Variants in GZF1 observed in about 807,000 individuals in gnomAD.
GZF1 encodes the protein GDNF-inducible zinc finger protein 1.
Under a neutral mutation model 49.4 loss-of-function variants are expected in GZF1, and 28 were observed. The ratio of observed to expected loss-of-function variants is 0.57; its 90% CI spans 0.42 to 0.78. The LOEUF is 0.78. GZF1 is among the 30% of genes least tolerant of loss of function. The pLI, the probability that GZF1 is intolerant of heterozygous loss-of-function variation, is 0.00. For synonymous variants in GZF1, 364 were observed against 356.0 expected (o/e 1.02, Z -0.25); for missense variants, 798 against 916.2 (o/e 0.87, Z 1.67).
In GZF1 at chr20:23,367,115, T is replaced by G. The variant is rs760452830; in HGVS notation, c.1459+18T>G. The stretch of plus-strand genomic sequence containing the variant: ...TCACACAGGTAAATACTCATGCTGT[T>G]GTGATTGAATGTCTTTCCTAGATCT... On this transcript the variant is annotated intron_variant, in intron 3 of 5. Coordinates refer to ENST00000338121, the MANE Select transcript of GZF1 (RefSeq NM_022482.5). The G allele has an allele frequency of 2.7e-6, 4 of 1,470,418 alleles. No individual in the cohort carries two copies. The South Asian group carries it at 4.5e-5, about 17-fold the overall frequency. The allele number at this position is 1,470,418 out of a possible 1,614,324, so 91.1% of individuals were successfully genotyped here. A position where few individuals can be genotyped will look rare whatever the true frequency, so the allele number is the denominator to read the frequency against.
At position 23,365,468 on chromosome 20, in the gene GZF1, A is replaced by C. The variant is rs747886588; in HGVS notation, c.1085A>C (p.Asn362Thr). ...GGCCAGACCTTCGCCAACCGCTGCAACCTGAAGAGCCACCAGCGCCACGTG... is the reference window on the plus strand; with the variant it reads ...GGCCAGACCTTCGCCAACCGCTGCACCCTGAAGAGCCACCAGCGCCACGTG... ...TCGQTFANRC[N>T]LKSHQRHVHS... The change falls in exon 2 of 6, where the codon AAC becomes ACC. Residue 362 changes from asparagine (N) to threonine (T), a missense_variant. Transcript: ENST00000338121. 2 of 1,613,842 alleles carry C rather than the reference A, an allele frequency of 1.2e-6. No homozygotes were observed. The highest frequency in any genetic ancestry group is 1.7e-6 in the Non-Finnish European group (2 of 1,180,012).
chr20:23,361,704 G>A (rs1186323036), upstream of GZF1, among the ~76,000 whole-genome samples: 1 of 152,190 alleles, frequency 6.6e-6, no homozygotes, highest in Non-Finnish European at 1.5e-5. Context: ...GAGGTCCCTC[G>A]CGTGGCCACC....
chr20:23,367,584 T>C (rs964524562), intron 3 of GZF1, among the ~76,000 whole-genome samples: 4 of 152,202 alleles, frequency 2.6e-5, no homozygotes, highest in Admixed American at 2.0e-4. Context: ...AAAAAGTCTG[T>C]GCTTGGATGT....
At position 23,370,820 on chromosome 20, in the gene GZF1, G is replaced by T; in HGVS notation, c.*379G>T. The T allele has an allele frequency of 5.5e-6, 1 of 181,186 alleles. No individual in the cohort carries two copies. The highest frequency in any genetic ancestry group is 1.1e-5 in the Non-Finnish European group (1 of 87,574). 11.2% of individuals were successfully genotyped at this position (181,186 alleles called of 1,614,324 possible). On this transcript the variant is annotated 3_prime_UTR_variant, in exon 6 of 6. Coordinates refer to ENST00000338121, the MANE Select transcript of GZF1 (RefSeq NM_022482.5). Reference sequence around the variant, plus strand: ...GATATTGTAGTTAGCAGTCTTCCTGGCTTCTCACTCTGCCTTATATTTCCA... The same window carrying T: ...GATATTGTAGTTAGCAGTCTTCCTGTCTTCTCACTCTGCCTTATATTTCCA...
intron 1 of GZF1, among the ~76,000 whole-genome samples, chr20:23,363,795 C>T (rs571486289): frequency 9.8e-5 from 15 of 152,288 alleles, no homozygotes; most frequent in Admixed American, 3.9e-4. Context: ...AGTAGAGTAA[C>T]AATAATTCAA....
chr20:23,363,801 T>A (rs573376173), intron 1 of GZF1, among the ~76,000 whole-genome samples: 85 of 152,332 alleles, frequency 5.6e-4, no homozygotes, highest in Non-Finnish European at 1.1e-3. Flanking sequence ...GTAACAATAA[T>A]TCAAATTCTG....
intron 2 of GZF1, 123 bp from the exon 3 acceptor site, chr20:23,366,880 C>G: frequency 1.4e-6 from 1 of 705,032 alleles, no homozygotes; most frequent in Non-Finnish European, 2.5e-6. Context: ...CTTGACCTGT[C>G]ACTACAGTCA....
At chr20:23,368,662 G>A in intron 3 of GZF1, 100 bp from the exon 4 acceptor site, 1 of 689,928 alleles carries the variant, frequency 1.4e-6, no homozygotes. Context: ...GCCTACCAAG[G>A]CACTTTTGAG....
rs542573915 is a variant in GZF1 at position 23,370,393 on chromosome 20, G to A, written c.2088G>A (p.Gln696=). 4 of 1,614,044 alleles carry A rather than the reference G, an allele frequency of 2.5e-6. No homozygotes were observed. In the African/African-American group the frequency reaches 4.0e-5, roughly 16 times the overall value. ...TISELSELTP[Q]TDSMPTQLHS... is the part of the protein sequence containing the mutation. Reference sequence around the variant, plus strand: ...GTGAGCTTAGCGAGCTGACCCCACAGACAGACTCGATGCCCACACAGCTTC... The same window carrying A: ...GTGAGCTTAGCGAGCTGACCCCACAAACAGACTCGATGCCCACACAGCTTC... The change falls in exon 6 of 6, where the codon CAG becomes CAA. Residue 696 remains glutamine, a synonymous_variant. Coordinates refer to ENST00000338121, the MANE Select transcript of GZF1 (RefSeq NM_022482.5).
chr20:23,369,705 A>T lies in GZF1; in HGVS notation c.1749A>T (p.Thr583=). The T allele has an allele frequency of 6.2e-7, 1 of 1,613,670 alleles. No homozygotes were observed. Among genetic ancestry groups the T allele is most frequent in the Non-Finnish European group, 8.5e-7 (1 of 1,179,800 alleles). Residue 583 remains threonine (T), a synonymous_variant, in exon 5 of 6, where the codon ACA becomes ACT. Transcript: ENST00000338121. The stretch of plus-strand genomic sequence containing the variant: ...TCATGTGCAATGCGTGCGGACGGAC[A>T]TTCACCGACAAGTCCACTCTTCGGC... ...RPFMCNACGR[T]FTDKSTLRRH...
intron 3 of GZF1, 126 bp downstream of exon 3, chr20:23,367,223 TAGTA>T (rs755350849): frequency 4.8e-5 from 32 of 660,700 alleles, no homozygotes; most frequent in Non-Finnish European, 7.2e-5. Context: ...CTTTTCCATC[TAGTA>T]AGTGAGCAAA....
In GZF1 at chr20:23,365,304, C is replaced by G; in HGVS notation, c.921C>G (p.Asp307Glu). Residue 307 changes from aspartate to glutamate, a missense_variant, in exon 2 of 6, where the codon GAC (aspartate) becomes GAG (glutamate). Asp to Glu is a conservative substitution (Grantham distance 45). Around this residue, in one of 3 missense-constraint regions of GZF1, gnomAD observed 247 missense variants for 228.5 expected, o/e 1.08. Transcript: ENST00000338121. ...PEEEEEEEEE[D>E]EEGEKKKSNF... ...AGGAAGAGGAGGAGGAGGAGGAGGA[C>G]GAAGAAGGGGAGAAGAAGAAGAGCA... 3 of 1,605,870 alleles carry G rather than the reference C, an allele frequency of 1.9e-6. No homozygotes were observed. Among genetic ancestry groups the G allele is most frequent in the East Asian group, 2.2e-5 (1 of 44,730 alleles).
Position 23,365,656 on chromosome 20 carries a change from C to T in GZF1, c.1273C>T (p.His425Tyr), listed in dbSNP as rs1228406444. 1.2e-6 allele frequency: 2 copies of T among 1,600,320 alleles called. No individual in the cohort carries two copies. Among genetic ancestry groups the T allele is most frequent in the East Asian group, 2.2e-5 (1 of 44,824 alleles). ...GLSSKTALRL[H>Y]ERTHTGDRPY... ...GAGTTCCAAGACAGCGCTGCGGCTG[C>T]ACGAGCGCACACACACGGGAGACCG... Residue 425 changes from histidine (H) to tyrosine (Y), a missense_variant, in exon 2 of 6, where the codon CAC (histidine) becomes TAC (tyrosine). Coordinates refer to ENST00000338121, the MANE Select transcript of GZF1 (RefSeq NM_022482.5).
chr20:23,367,972 C>A (rs1000347229), intron 3 of GZF1, among the ~76,000 whole-genome samples: 2 of 151,852 alleles, frequency 1.3e-5, no homozygotes, highest in African/African-American at 4.9e-5. Context: ...ACTCATTAGA[C>A]ACCACATCTG....
At position 23,364,601 on chromosome 20, in the gene GZF1, C is replaced by T; in HGVS notation, c.218C>T (p.Thr73Ile). 2 of 1,614,200 alleles carry T rather than the reference C, an allele frequency of 1.2e-6. No homozygotes were observed. Among genetic ancestry groups the T allele is most frequent in the Non-Finnish European group, 1.7e-6 (2 of 1,180,028 alleles). ...VFLNEKSVDG[T>I]RTNVYLNEVQ... ...CTTAATGAGAAGAGTGTGGATGGTA[C>T]TAGGACTAATGTCTACTTAAATGAA... The change falls in exon 2 of 6, where the codon ACT (threonine) becomes ATT (isoleucine). Residue 73 changes from threonine (T) to isoleucine (I), a missense_variant. Physicochemically the swap from Thr to Ile is moderately conservative, Grantham distance 89 (BLOSUM62 -1). Coordinates refer to ENST00000338121, the MANE Select transcript of GZF1 (RefSeq NM_022482.5).
In GZF1 at chr20:23,371,434, T is replaced by C. The variant is rs1280913120; in HGVS notation, c.*993T>C. On this transcript the variant is annotated 3_prime_UTR_variant, in exon 6 of 6. Coordinates refer to ENST00000338121, the MANE Select transcript of GZF1 (RefSeq NM_022482.5). ...GATGGAAACAGGCAAGTAACTGACA[T>C]GTCTATTTCCTTGGGAGCATGTGAG... is the stretch of plus-strand genomic sequence containing the variant. 2 of 152,630 alleles carry C rather than the reference T, an allele frequency of 1.3e-5. No homozygotes were observed. The highest frequency in any genetic ancestry group is 4.8e-5 in the African/African-American group (2 of 41,452). The allele number at this position is 152,630 out of a possible 1,614,324, so 9.5% of individuals were successfully genotyped here. A position where few individuals can be genotyped will look rare whatever the true frequency, so the allele number is the denominator to read the frequency against.
chr20:23,368,942 T>G lies in GZF1; in HGVS notation c.1627+13T>G. 1.9e-6 allele frequency: 3 copies of G among 1,592,524 alleles called. No homozygotes were observed. The highest frequency in any genetic ancestry group is 2.6e-6 in the Non-Finnish European group (3 of 1,170,032). On this transcript the variant is annotated intron_variant, in intron 4 of 5. Coordinates refer to ENST00000338121, the MANE Select transcript of GZF1 (RefSeq NM_022482.5). ...AAAGTCCACACAGGTATGGTTGGAA[T>G]GTCCCAGGGAAGGGAGTTTAGTTTG...
rs921846423 is a variant in GZF1 at position 23,372,890 on chromosome 20, T to C, written c.*2449T>C. The C allele has an allele frequency of 6.6e-6, 1 of 152,236 alleles. No individual in the cohort carries two copies. Among genetic ancestry groups the C allele is most frequent in the African/African-American group, 2.4e-5 (1 of 41,454 alleles). 9.4% of individuals were successfully genotyped at this position (152,236 alleles called of 1,614,324 possible). A position where few individuals can be genotyped will look rare whatever the true frequency, so the allele number is the denominator to read the frequency against. The stretch of plus-strand genomic sequence containing the variant: ...CAGCCTTTCGTTTTACCAAATTCTT[T>C]GCTGTCGTTTGGAAAAAATGGGCCA... On this transcript the variant is annotated 3_prime_UTR_variant, in exon 6 of 6. Transcript: ENST00000338121.
Position 23,364,396 on chromosome 20 carries a change from G to A in GZF1, c.13G>A (p.Ala5Thr), listed in dbSNP as rs754403991. ...GGAAGGAAGAAAGATGGAAAGCGGT[G>A]CAGTTCTGCTGGAATCCAAATCCTC... The part of the protein sequence containing the change: MESG[A>T]VLLESKSSPF... The change falls in exon 2 of 6, where the codon GCA (alanine) becomes ACA (threonine). Residue 5 changes from alanine (A) to threonine (T), a missense_variant. Physicochemically the swap from Ala to Thr is moderately conservative, Grantham distance 58 (BLOSUM62 0). This residue lies in a region of GZF1 where 105 missense variants were observed against 147.5 expected (regional missense o/e 0.71). Coordinates refer to ENST00000338121, the MANE Select transcript of GZF1 (RefSeq NM_022482.5). 51 of 1,582,906 alleles carry A rather than the reference G, an allele frequency of 3.2e-5. No individual in the cohort carries two copies. The South Asian group carries it at 4.3e-4, about 13-fold the overall frequency.
Sources: allele counts gnomAD v4.1 joint callset (sites outside exome capture counted in the v4.1 genomes callset), GRCh38; gene constraint gnomAD v4.1.1; regional missense constraint gnomAD v4.1.1; transcripts MANE v1.5; gene names NCBI Gene and HGNC (gene_info 2026-07-23, HGNC 2026-07-21).